FAM135A: variants seen among roughly 807,000 people sequenced by gnomAD.
FAM135A encodes the protein family with sequence similarity 135 member A, also known as protein FAM135A.
FAM135A carries 79 observed loss-of-function variants against 146.8 expected under a neutral mutation model. The observed-to-expected ratio is 0.54, with a 90% CI of 0.45 to 0.65. The LOEUF is 0.65. Among genes scored for constraint, FAM135A ranks in the 30% least tolerant of loss-of-function variants. FAM135A has a pLI of 0.00. For synonymous variants in FAM135A, 562 were observed against 603.6 expected (o/e 0.93, Z 1.01); for missense variants, 1,623 against 1,758.2 (o/e 0.92, Z 1.38).
rs147268217 is a variant in FAM135A, at chr6:70,442,238, G to GTTTTTTTTTTTTTTTTT, written c.78-10254_78-10253insTTTTTTTTTTTTTTTTT. On this transcript the variant is annotated intron_variant, in intron 4 of 21. Transcript: ENST00000418814. Reference sequence around the variant, plus strand: ...CATAAATATTTAAAATTTCTTCATGGGTTTTTTTTTTTTTTTTTTGCCGAG... The same window carrying GTTTTTTTTTTTTTTTTT: ...CATAAATATTTAAAATTTCTTCATGGTTTTTTTTTTTTTTTTTGTTTTTTTTTTTTTTTTTTGCCGAG... Among the ~76,000 whole-genome samples, 4 of 136,410 alleles carry GTTTTTTTTTTTTTTTTT rather than the reference G, an allele frequency of 2.9e-5. 2 individuals carry two copies. Among genetic ancestry groups the GTTTTTTTTTTTTTTTTT allele is most frequent in the African/African-American group, 1.1e-4 (4 of 35,532 alleles). 89.5% of individuals were successfully genotyped at this position (136,410 alleles called of 152,430 possible). A position where few individuals can be genotyped will look rare whatever the true frequency, so the allele number is the denominator to read the frequency against.
At chr6:70,426,119 A>AACAAC (rs1554261990) in intron 2 of FAM135A, among the ~76,000 whole-genome samples, 1 of 150,342 alleles carries the variant, frequency 6.7e-6, no homozygotes, top group African/African-American at 2.4e-5. Flanking sequence ...CAAAAAAAAA[A>AACAAC]AACAACAACA....
chr6:70,555,226 AAC>A (rs1562036271), intron 20 of FAM135A, among the ~76,000 whole-genome samples: 1 of 152,168 alleles, frequency 6.6e-6, no homozygotes, highest in Non-Finnish European at 1.5e-5. Flanking sequence ...TTAGAAAAAA[AAC>A]ACATCTGGAG....
chr6:70,437,212 A>T (rs947404493), intron 4 of FAM135A, among the ~76,000 whole-genome samples: 1 of 152,166 alleles, frequency 6.6e-6, no homozygotes, highest in Non-Finnish European at 1.5e-5. Flanking sequence ...GGGGCTACCC[A>T]TATGGATCTT....
intron 21 of FAM135A, among the ~76,000 whole-genome samples, chr6:70,558,637 C>T (rs1801361608): frequency 6.6e-6 from 1 of 151,976 alleles, no homozygotes; most frequent in Non-Finnish European, 1.5e-5. Flanking sequence ...TAGCAAGACC[C>T]CATTCTACCA....
chr6:70,458,642 C>T (rs1378523606), intron 5 of FAM135A, among the ~76,000 whole-genome samples: 2 of 151,890 alleles, frequency 1.3e-5, no homozygotes, highest in Admixed American at 1.3e-4. Flanking sequence ...GCCAGTTTAC[C>T]CCAGAATAGC....
At chr6:70,520,629 T>C (rs190612054) in intron 12 of FAM135A, among the ~76,000 whole-genome samples, 12 of 151,960 alleles carry the variant, frequency 7.9e-5, no homozygotes, top group Admixed American at 5.9e-4. Context: ...ATTCATTTTT[T>C]ATAAATATCA....
chr6:70,449,291 A>G (rs1776524939), intron 4 of FAM135A, among the ~76,000 whole-genome samples: 1 of 152,034 alleles, frequency 6.6e-6, no homozygotes, highest in Admixed American at 6.6e-5. Context: ...GAATTTTGAG[A>G]TATGCAGTAC....
At chr6:70,522,682 C>A in intron 13 of FAM135A, 96 bp downstream of exon 13, 1 of 893,508 alleles carries the variant, frequency 1.1e-6, no homozygotes, top group South Asian at 1.8e-5. Context: ...ACAGTATTAA[C>A]AATATAAGAA....
intron 20 of FAM135A, among the ~76,000 whole-genome samples, chr6:70,540,461 A>C (rs1055834030): frequency 2.0e-5 from 3 of 150,962 alleles, no homozygotes; most frequent in African/African-American, 7.3e-5. Context: ...AGTAGCTGGG[A>C]CTACAGGCGC....
chr6:70,502,653 T>C lies in FAM135A; in HGVS notation c.891T>C (p.Asp297=). The stretch of plus-strand genomic sequence containing the variant: ...CATTTCAGAAAATAGAGAATCCTGA[T>C]GAACTGGCAGAACTTATAAATATGA... ...CEEVKKIENP[D]ELAELINMNL... The change falls in exon 12 of 22, where the codon GAT becomes GAC. Residue 297 remains aspartate, a synonymous_variant. Coordinates refer to ENST00000418814, the MANE Select transcript of FAM135A (RefSeq NM_001162529.3). 1.9e-6 allele frequency: 3 copies of C among 1,610,092 alleles called. No homozygotes were observed. Among genetic ancestry groups the C allele is most frequent in the Non-Finnish European group, 2.5e-6 (3 of 1,178,554 alleles).
Position 70,435,087 on chromosome 6 carries a change from A to G in FAM135A, c.77+6668A>G, listed in dbSNP as rs902444549. Among the ~76,000 whole-genome samples the G allele has an allele frequency of 5.0e-3, 227 of 45,436 alleles. 2 individuals carry two copies. The highest frequency in any genetic ancestry group is 0.012 in the Middle Eastern group (1 of 84). 29.8% of individuals were successfully genotyped at this position (45,436 alleles called of 152,430 possible). On this transcript the variant is annotated intron_variant, in intron 4 of 21. Transcript: ENST00000418814. ...CGTGTGTGTGTGTGTGTGTGTATAT[A>G]TATATATATATATATATATATATTT... is the stretch of plus-strand genomic sequence containing the variant.
chr6:70,542,992 A>G (rs2128454466), intron 20 of FAM135A, among the ~76,000 whole-genome samples: 1 of 152,158 alleles, frequency 6.6e-6, no homozygotes, highest in East Asian at 1.9e-4. Context: ...AGTTATTTTT[A>G]TGTATTAACT....
rs1794271405 is a variant in FAM135A at position 70,524,452 on chromosome 6, G to A, written c.1368G>A (p.Glu456=). 1.2e-5 allele frequency: 18 copies of A among 1,550,096 alleles called. No homozygotes were observed. Among genetic ancestry groups the A allele is most frequent in the Non-Finnish European group, 1.6e-5 (18 of 1,146,468 alleles). The stretch of plus-strand genomic sequence containing the variant: ...CTGTAGCAGGACTTTCTAGCCCAGA[G>A]TTGAAAGTCAGACCTGCTGGTGCCT... ...ESSVAGLSSP[E]LKVRPAGASS... Residue 456 remains glutamate, a synonymous_variant, in exon 15 of 22, where the codon GAG becomes GAA. Transcript: ENST00000418814.
intron 2 of FAM135A, among the ~76,000 whole-genome samples, chr6:70,416,495 G>A (rs1478582416): frequency 1.3e-5 from 2 of 152,106 alleles, no homozygotes; most frequent in African/African-American, 4.8e-5. Context: ...TTTGATTCTA[G>A]GTATTGAGGA....
At chr6:70,435,077 GTGTGTATATATATA>G (rs1253087757) in intron 4 of FAM135A, among the ~76,000 whole-genome samples, 1 of 52,270 alleles carries the variant, frequency 1.9e-5, no homozygotes, top group Non-Finnish European at 3.2e-5. Context: ...GTGTGTGTGT[GTGTGTATATATATA>G]TATATATATA....
At chr6:70,485,218 G>A (rs1784391704) in intron 10 of FAM135A, among the ~76,000 whole-genome samples, 1 of 152,046 alleles carries the variant, frequency 6.6e-6, no homozygotes, top group Non-Finnish European at 1.5e-5. Flanking sequence ...ACTTGAAAAA[G>A]TATAGGCATC....
intron 16 of FAM135A, among the ~76,000 whole-genome samples, chr6:70,529,538 C>T (rs1262369154): frequency 1.3e-5 from 2 of 151,776 alleles, no homozygotes; most frequent in East Asian, 1.9e-4. Context: ...GAATTATCCC[C>T]CAAGAAAGAC....
At chr6:70,459,092 T>C (rs2128085816) in intron 5 of FAM135A, among the ~76,000 whole-genome samples, 1 of 152,270 alleles carries the variant, frequency 6.6e-6, no homozygotes, top group East Asian at 1.9e-4. Flanking sequence ...TGTGTTAATT[T>C]TTTACCTCTG....
intron 12 of FAM135A, chr6:70,504,374 AATAG>A (rs1789237530): frequency 6.6e-6 from 1 of 152,174 alleles, no homozygotes; most frequent in Non-Finnish European, 1.5e-5. Flanking sequence ...TGTTTTTACT[AATAG>A]ATCCTCTCTC....
Sources: allele counts gnomAD v4.1 joint callset (sites outside exome capture counted in the v4.1 genomes callset), GRCh38; gene constraint gnomAD v4.1.1; transcripts MANE v1.5; gene names NCBI Gene and HGNC (gene_info 2026-07-23, HGNC 2026-07-21).